The following LRRC4C variants were observed in gnomAD, a reference collection of about 807,000 sequenced individuals.
The protein encoded by LRRC4C is leucine rich repeat containing 4C.
A neutral mutation model predicts 33.6 loss-of-function variants in LRRC4C; 5 were observed. The ratio of observed to expected loss-of-function variants is 0.15; its 90% CI spans 0.08 to 0.31. LRRC4C has a LOEUF of 0.31. LRRC4C is among the 10% of genes least tolerant of loss of function. The pLI is 1.00. For synonymous variants in LRRC4C, 329 were observed against 302.0 expected (o/e 1.09, Z -0.93); for missense variants, 560 against 796.7 (o/e 0.70, Z 3.58).
In LRRC4C at chr11:40,561,241, A is replaced by T. The variant is rs150921705; in HGVS notation, c.-270+86901T>A. Among the ~76,000 whole-genome samples, 330 of 151,592 alleles carry T rather than the reference A, an allele frequency of 2.2e-3. 1 individual carries two copies. The highest frequency in any genetic ancestry group is 3.6e-3 in the Non-Finnish European group (243 of 67,902). On this transcript the variant is annotated intron_variant, in intron 3 of 6. Coordinates refer to ENST00000528697, the MANE Select transcript of LRRC4C (RefSeq NM_001258419.2). ...GAATTCAGGTCTAAAACCTGCTACC[A>T]CTCCTTCCCGTGTCACCTTTAACAA...
chr11:40,948,380 A>G (rs1958512570), intron 1 of LRRC4C, among the ~76,000 whole-genome samples: 2 of 151,786 alleles, frequency 1.3e-5, no homozygotes, highest in East Asian at 1.9e-4. Flanking sequence ...CTTTTTTATT[A>G]TTATACTTTA....
At chr11:40,507,472 C>T (rs1396745408) in intron 3 of LRRC4C, among the ~76,000 whole-genome samples, 1 of 151,918 alleles carries the variant, frequency 6.6e-6, no homozygotes, top group Non-Finnish European at 1.5e-5. Context: ...CTAATAAATA[C>T]ATTCATTGTT....
chr11:40,752,570 G>C (rs1277134207), intron 2 of LRRC4C, among the ~76,000 whole-genome samples: 1 of 151,712 alleles, frequency 6.6e-6, no homozygotes, highest in Non-Finnish European at 1.5e-5. Flanking sequence ...GAGTTACAAT[G>C]GCTATTACTA....
chr11:40,487,988 G>A (rs928870614), intron 3 of LRRC4C, among the ~76,000 whole-genome samples: 3 of 152,046 alleles, frequency 2.0e-5, no homozygotes, highest in Non-Finnish European at 4.4e-5. Flanking sequence ...CCACATTAAG[G>A]ATGAGTAAAA....
At chr11:40,651,186 A>T (rs1326709881) in intron 2 of LRRC4C, among the ~76,000 whole-genome samples, 2 of 152,068 alleles carry the variant, frequency 1.3e-5, no homozygotes, top group Non-Finnish European at 2.9e-5. Context: ...GTCTTTGTAA[A>T]TTTTTTCTCA....
intron 2 of LRRC4C, among the ~76,000 whole-genome samples, chr11:40,658,120 T>C (rs1943229361): frequency 6.6e-6 from 1 of 152,182 alleles, no homozygotes; most frequent in African/African-American, 2.4e-5. Context: ...ATAGTAAACA[T>C]TAGATCAGGA....
chr11:41,025,228 T>C (rs753889177), intron 1 of LRRC4C, among the ~76,000 whole-genome samples: 12 of 151,686 alleles, frequency 7.9e-5, no homozygotes, highest in Non-Finnish European at 1.6e-4. Flanking sequence ...TAGAAGTGAT[T>C]AAACTTAGTG....
intron 3 of LRRC4C, among the ~76,000 whole-genome samples, chr11:40,512,462 T>G (rs1439817797): frequency 6.6e-6 from 1 of 152,174 alleles, no homozygotes; most frequent in Non-Finnish European, 1.5e-5. Context: ...ATCTCACAGT[T>G]GTGTGGGTTG....
intron 1 of LRRC4C, among the ~76,000 whole-genome samples, chr11:41,215,900 C>T (rs906132875): frequency 1.3e-5 from 2 of 152,212 alleles, no homozygotes; most frequent in African/African-American, 4.8e-5. Context: ...CCTATGCTAA[C>T]TCTACATTTA....
At chr11:40,259,508 A>T (rs1480948640) in intron 4 of LRRC4C, among the ~76,000 whole-genome samples, 1 of 151,650 alleles carries the variant, frequency 6.6e-6, no homozygotes, top group Non-Finnish European at 1.5e-5. Flanking sequence ...CTGAATGGTA[A>T]TGCCTAGGTT....
intron 1 of LRRC4C, among the ~76,000 whole-genome samples, chr11:41,366,203 T>C (rs57518334): frequency 0.024 from 66 of 2,772 alleles, no homozygotes; most frequent in African/African-American, 0.037. Context: ...GATAGACAGA[T>C]AGATAGATAG....
intron 4 of LRRC4C, among the ~76,000 whole-genome samples, chr11:40,243,535 T>C (rs1276437805): frequency 1.3e-5 from 2 of 152,158 alleles, no homozygotes; most frequent in African/African-American, 4.8e-5. Context: ...CTCATTCATT[T>C]ATTCAACTGA....
At chr11:40,396,116 A>AT (rs1349222748) in intron 3 of LRRC4C, among the ~76,000 whole-genome samples, 1 of 152,178 alleles carries the variant, frequency 6.6e-6, no homozygotes, top group Non-Finnish European at 1.5e-5. Context: ...TTGTTCACAC[A>AT]TTGTCTACAG....
rs1855319841 is a variant in LRRC4C, at chr11:40,115,024, C to T, written c.1269G>A (p.Met423Ile). The T allele has an allele frequency of 1.5e-5, 25 of 1,614,232 alleles. No individual in the cohort carries two copies. The highest frequency in any genetic ancestry group is 2.0e-5 in the Non-Finnish European group (24 of 1,180,040). ...FTNVTVQDTGMYTCMVSNSVG... is the reference protein window; with the variant it reads ...FTNVTVQDTGIYTCMVSNSVG... ...CGGAATTACTCACCATACATGTGTACATGCCTGTATCTTGCACAGTTACAT... is the reference window on the plus strand; with the variant it reads ...CGGAATTACTCACCATACATGTGTATATGCCTGTATCTTGCACAGTTACAT... Residue 423 changes from methionine (M) to isoleucine (I), a missense_variant, in exon 7 of 7, where the codon ATG becomes ATA. Physicochemically the swap from Met to Ile is conservative, Grantham distance 10 (BLOSUM62 1). Around this residue, in one of 3 missense-constraint regions of LRRC4C, gnomAD observed 455 missense variants for 643.8 expected, o/e 0.71. Coordinates refer to ENST00000528697, the MANE Select transcript of LRRC4C (RefSeq NM_001258419.2). The surrounding 1 kb of genome is among the most constrained non-coding windows in gnomAD (Gnocchi z 6.7).
intron 5 of LRRC4C, among the ~76,000 whole-genome samples, chr11:40,179,010 CTTT>C (rs5791361): frequency 1.4e-5 from 2 of 141,274 alleles, no homozygotes. Context: ...AACTTTCTTT[CTTT>C]TTTTTTTTTT....
At chr11:41,282,555 T>C (rs1949707465) in intron 1 of LRRC4C, among the ~76,000 whole-genome samples, 1 of 152,214 alleles carries the variant, frequency 6.6e-6, no homozygotes, top group Non-Finnish European at 1.5e-5. Flanking sequence ...TCTGAATCTT[T>C]ACGTGAAGAC....
At chr11:41,156,530 C>T (rs1434796550) in intron 1 of LRRC4C, among the ~76,000 whole-genome samples, 3 of 152,014 alleles carry the variant, frequency 2.0e-5, no homozygotes, top group Admixed American at 1.3e-4. Flanking sequence ...ATTGGCAAGT[C>T]ATTTTGCAAA....
chr11:40,674,072 G>T (rs1565623516), intron 2 of LRRC4C, among the ~76,000 whole-genome samples: 1 of 152,176 alleles, frequency 6.6e-6, no homozygotes, highest in East Asian at 1.9e-4. Context: ...AGGATGCAAT[G>T]CTTTAATACT....
chr11:40,423,339 CTTTTTTTTTTT>C (rs35819704), intron 3 of LRRC4C, among the ~76,000 whole-genome samples: 2 of 90,932 alleles, frequency 2.2e-5, no homozygotes, highest in African/African-American at 8.4e-5. Context: ...TGTTCATGTT[CTTTTTTTTTTT>C]TTTTTTTTTT....
Sources: gnomAD v4.1 joint callset for allele counts (sites outside exome capture counted in the v4.1 genomes callset) on GRCh38, gnomAD v4.1.1 for gene constraint, gnomAD v4.1.1 regional missense constraint, Gnocchi (gnomAD v3.1) non-coding constraint, MANE v1.5 for transcripts, NCBI Gene and HGNC (gene_info 2026-07-23, HGNC 2026-07-21) for gene names.